TNS1: variants seen among roughly 807,000 people sequenced by gnomAD.
TNS1 encodes tensin-1.
TNS1 carries 62 observed loss-of-function variants against 168.6 expected under a neutral mutation model. The observed-to-expected ratio is 0.37, with a 90% CI of 0.30 to 0.45. The LOEUF is 0.45. Ranked by LOEUF, TNS1 falls within the 20% of genes least tolerant of loss-of-function variation. The pLI is 1.00. For missense variants in TNS1, 2,240 were observed against 2,339.4 expected (o/e 0.96, Z 0.88); for synonymous variants, 934 against 933.2 (o/e 1.00, Z -0.02).
intron 18 of TNS1, among the ~76,000 whole-genome samples, chr2:217,876,669 C>G (rs960382608): frequency 6.6e-6 from 1 of 152,060 alleles, no homozygotes; most frequent in Non-Finnish European, 1.5e-5. Flanking sequence ...GGAGATACAG[C>G]CTTTAAAGAG....
chr2:218,002,944 G>A lies in TNS1; in HGVS notation c.-72C>T, dbSNP rs1023145612. ...CCCCTGAAGCTAGAGTCCCCGCGGC[G>A]CTGGCAGAAGGGCTCTCTGAGTCCG... is the stretch of plus-strand genomic sequence containing the variant. On this transcript the variant is annotated 5_prime_UTR_variant, in exon 1 of 33. Transcript: ENST00000682258. The A allele has an allele frequency of 1.3e-5, 6 of 456,142 alleles. No homozygotes were observed. Among genetic ancestry groups the A allele is most frequent in the African/African-American group, 2.0e-5 (1 of 50,018 alleles). 28.3% of individuals were successfully genotyped at this position (456,142 alleles called of 1,614,324 possible). A position where few individuals can be genotyped will look rare whatever the true frequency, so the allele number is the denominator to read the frequency against.
At chr2:217,981,815 A>T (rs751869282) in intron 2 of TNS1, among the ~76,000 whole-genome samples, 1 of 152,150 alleles carries the variant, frequency 6.6e-6, no homozygotes, top group Non-Finnish European at 1.5e-5. Context: ...TCTTGCTGTA[A>T]TCTCAAGTTT....
intron 18 of TNS1, chr2:217,858,456 A>T (rs1481993322): frequency 2.1e-6 from 2 of 933,470 alleles, no homozygotes; most frequent in African/African-American, 3.6e-5. Context: ...ACACAAGAAC[A>T]CTCACAGGCA....
chr2:217,978,406 T>G (rs542469943), intron 3 of TNS1, among the ~76,000 whole-genome samples: 169 of 152,010 alleles, frequency 1.1e-3, no homozygotes, highest in Non-Finnish European at 2.1e-3. Context: ...CCCGGGGTAA[T>G]TGAAATGGAT....
chr2:217,921,192 T>C (rs1006560308), intron 3 of TNS1, among the ~76,000 whole-genome samples: 10 of 152,332 alleles, frequency 6.6e-5, no homozygotes, highest in Non-Finnish European at 1.0e-4. Context: ...GACACGTTTT[T>C]CTTGGAGCTC....
intron 3 of TNS1, among the ~76,000 whole-genome samples, chr2:217,974,192 T>A (rs990011612): frequency 2.6e-5 from 4 of 152,234 alleles, no homozygotes; most frequent in Non-Finnish European, 4.4e-5. Flanking sequence ...TAGATCATGA[T>A]CTGGTTCTCA....
At position 217,880,107 on chromosome 2, in the gene TNS1, C is replaced by G. The variant is rs952921829; in HGVS notation, c.1429+791G>C. 3.9e-5 allele frequency among the ~76,000 whole-genome samples: 6 copies of G among 152,160 alleles called. No individual in the cohort carries two copies. Among genetic ancestry groups the G allele is most frequent in the African/African-American group, 1.4e-4 (6 of 41,438 alleles). On this transcript the variant is annotated intron_variant, in intron 18 of 32. Transcript: ENST00000682258. This position sits in a 1 kb window ranked among gnomAD's most constrained non-coding sequence, Gnocchi z 4.2. ...CAAGAAAAGAAGCTTGTGGCCAAACCCCAGGCAGGGCATCTCAAGAGTTCC... is the reference window on the plus strand; with the variant it reads ...CAAGAAAAGAAGCTTGTGGCCAAACGCCAGGCAGGGCATCTCAAGAGTTCC...
intron 3 of TNS1, among the ~76,000 whole-genome samples, chr2:217,957,537 AATGAT>A (rs1302346804): frequency 6.6e-6 from 1 of 152,194 alleles, no homozygotes; most frequent in East Asian, 1.9e-4. Context: ...AGATGGTGGC[AATGAT>A]ATATGTCAAT....
intron 18 of TNS1, chr2:217,859,643 C>G: frequency 2.0e-6 from 3 of 1,536,378 alleles, no homozygotes; most frequent in Non-Finnish European, 2.6e-6. Context: ...TATATTGATC[C>G]TCCAGGCCAC....
At chr2:217,931,479 C>G (rs1207440153) in intron 3 of TNS1, among the ~76,000 whole-genome samples, 1 of 152,174 alleles carries the variant, frequency 6.6e-6, no homozygotes, top group African/African-American at 2.4e-5. Context: ...GTGCGGGGGG[C>G]TAAGCCAGGC....
At chr2:218,001,090 T>A (rs2105977764) in intron 1 of TNS1, among the ~76,000 whole-genome samples, 1 of 151,622 alleles carries the variant, frequency 6.6e-6, no homozygotes, top group East Asian at 1.9e-4. Flanking sequence ...GAGGTAGAGG[T>A]TATAGTGAGC....
Position 217,848,875 on chromosome 2 carries a change from G to A in TNS1, c.1642C>T (p.Pro548Ser). 3 of 1,614,072 alleles carry A rather than the reference G, an allele frequency of 1.9e-6. No individual in the cohort carries two copies. Among genetic ancestry groups the A allele is most frequent in the Non-Finnish European group, 2.5e-6 (3 of 1,180,022 alleles). ...TKTDKTDEPV[P>S]GASSATAALS... ...GCAGCAGTGGCACTGGAGGCCCCGGGGACAGGCTCGTCGGTCTTGTCGGTC... is the reference window on the plus strand; with the variant it reads ...GCAGCAGTGGCACTGGAGGCCCCGGAGACAGGCTCGTCGGTCTTGTCGGTC... Residue 548 changes from proline (P) to serine (S), a missense_variant, in exon 19 of 33, where the codon CCC (proline) becomes TCC (serine). By Grantham distance (74) the Pro-to-Ser change is moderately conservative. Around this residue, in one of 2 missense-constraint regions of TNS1, gnomAD observed 2,131 missense variants for 2,171.2 expected, o/e 0.98. Transcript: ENST00000682258.
chr2:217,869,565 G>A (rs144787402), intron 18 of TNS1, among the ~76,000 whole-genome samples: 1,653 of 152,268 alleles, frequency 0.011, 34 homozygotes, highest in Non-Finnish European at 0.014. Flanking sequence ...GTGGGACTCT[G>A]AGTGGCCTGA....
chr2:218,001,109 T>C (rs1291767119), intron 1 of TNS1, among the ~76,000 whole-genome samples: 3 of 151,776 alleles, frequency 2.0e-5, no homozygotes, highest in Non-Finnish European at 4.4e-5. Flanking sequence ...GCCAAGATCA[T>C]GCCATTGCAC....
intron 3 of TNS1, among the ~76,000 whole-genome samples, chr2:217,922,712 C>T (rs1405535831): frequency 6.6e-6 from 1 of 152,222 alleles, no homozygotes; most frequent in Non-Finnish European, 1.5e-5. Flanking sequence ...GGTATCCTGA[C>T]CGCAGGTCCC....
chr2:217,821,647 G>T (rs1036939859), intron 23 of TNS1, 93 bp downstream of exon 23: 10 of 1,262,230 alleles, frequency 7.9e-6, no homozygotes, highest in African/African-American at 1.6e-5. Flanking sequence ...GCCTGTCCAC[G>T]CCATAGGCAA....
At chr2:217,811,922 G>A (rs373832593) in intron 28 of TNS1, among the ~76,000 whole-genome samples, 10 of 152,242 alleles carry the variant, frequency 6.6e-5, no homozygotes, top group East Asian at 1.9e-4. Flanking sequence ...AAAGTCTGGC[G>A]ACATTTAGGC....
rs147987786 is a variant in TNS1, at chr2:217,858,077, A to T, written c.1430-8990T>A. On this transcript the variant is annotated intron_variant, in intron 18 of 32. Transcript: ENST00000682258. Reference sequence around the variant, plus strand: ...AGGTGCCCCAAAGCTCAGGCCAAAGATGCAGGGAGGGGGCGTCCTGAATAA... The same window carrying T: ...AGGTGCCCCAAAGCTCAGGCCAAAGTTGCAGGGAGGGGGCGTCCTGAATAA... Among the ~76,000 whole-genome samples the T allele has an allele frequency of 1.9e-3, 293 of 152,204 alleles. 2 individuals are homozygous for T. Among genetic ancestry groups the T allele is most frequent in the African/African-American group, 6.7e-3 (278 of 41,534 alleles).
At chr2:217,851,730 C>T (rs996584229) in intron 18 of TNS1, among the ~76,000 whole-genome samples, 3 of 152,248 alleles carry the variant, frequency 2.0e-5, no homozygotes, top group African/African-American at 7.2e-5. Context: ...CAGGACCAGG[C>T]ACAGCTGCCT....
Sources: allele counts gnomAD v4.1 joint callset (sites outside exome capture counted in the v4.1 genomes callset), GRCh38; gene constraint gnomAD v4.1.1; regional missense constraint gnomAD v4.1.1; non-coding constraint Gnocchi (gnomAD v3.1); transcripts MANE v1.5; gene names NCBI Gene and HGNC (gene_info 2026-07-23, HGNC 2026-07-21).